The following NIN variants were observed in gnomAD, a reference collection of about 807,000 sequenced individuals.
The protein encoded by NIN is ninein.
NIN carries 137 observed loss-of-function variants against 257.6 expected under a neutral mutation model. The observed-to-expected ratio is 0.53, with a 90% CI of 0.46 to 0.61. The LOEUF is 0.61. NIN is among the 20% of genes least tolerant of loss of function. The pLI is 0.00. For synonymous variants in NIN, 918 were observed against 919.8 expected (o/e 1.00, Z 0.04); for missense variants, 2,439 against 2,501.2 (o/e 0.98, Z 0.53).
At chr14:50,726,306 T>TC (rs2040410835) in intron 29 of NIN, 1 of 442,120 alleles carries the variant, frequency 2.3e-6, no homozygotes, top group Admixed American at 3.7e-5. Flanking sequence ...GTTACCATCA[T>TC]CCCCCTGATA....
intron 29 of NIN, among the ~76,000 whole-genome samples, chr14:50,726,674 T>C (rs146162968): frequency 3.9e-4 from 60 of 152,288 alleles, no homozygotes; most frequent in Non-Finnish European, 7.5e-4. Flanking sequence ...TCAGAGCAGA[T>C]TGAAAATGAA....
chr14:50,738,301 T>C lies in NIN; in HGVS notation c.5629-15A>G. The C allele has an allele frequency of 2.5e-6, 4 of 1,606,002 alleles. No homozygotes were observed. The highest frequency in any genetic ancestry group is 1.3e-5 in the African/African-American group (1 of 74,442). On this transcript the variant is annotated splice_polypyrimidine_tract_variant and intron_variant, in intron 26 of 30. Transcript: ENST00000530997. The stretch of plus-strand genomic sequence containing the variant: ...AACTGACGGACCTAACAGGAACAAA[T>C]GTAAGAGGAAAAAATGCTAATACAA...
At chr14:50,823,900 A>C (rs1469376659) in intron 2 of NIN, among the ~76,000 whole-genome samples, 1 of 152,252 alleles carries the variant, frequency 6.6e-6, no homozygotes, top group Non-Finnish European at 1.5e-5. Flanking sequence ...CCAAGTTGTT[A>C]TGCAAAGCCA....
At chr14:50,799,706 T>A (rs1273105238) in intron 4 of NIN, among the ~76,000 whole-genome samples, 1 of 152,172 alleles carries the variant, frequency 6.6e-6, no homozygotes, top group South Asian at 2.1e-4. Context: ...AAATAAAATA[T>A]AGACATGGCT....
intron 21 of NIN, among the ~76,000 whole-genome samples, chr14:50,752,160 T>TG (rs934629472): frequency 2.0e-5 from 3 of 150,972 alleles, no homozygotes; most frequent in Non-Finnish European, 4.4e-5. Context: ...TTTGTATAGT[T>TG]TTTTTTTTTT....
chr14:50,748,219 G>A lies in NIN; in HGVS notation c.4951-114C>T, dbSNP rs184809358. On this transcript the variant is annotated intron_variant, in intron 21 of 30. Coordinates refer to ENST00000530997, the MANE Select transcript of NIN (RefSeq NM_020921.4). ...ACAGTAATATGAACTCAATGACACT[G>A]TTTTATGACCATTTTTTATCGTAAA... 2.5e-5 allele frequency: 15 copies of A among 607,314 alleles called. No individual in the cohort carries two copies. In the East Asian group the frequency reaches 4.1e-4, roughly 17 times the overall value. The allele number at this position is 607,314 out of a possible 1,614,324, so 37.6% of individuals were successfully genotyped here.
intron 14 of NIN, among the ~76,000 whole-genome samples, chr14:50,765,063 TAAAAAAAAAAAAAAA>T (rs781699626): frequency 1.3e-4 from 11 of 82,072 alleles, no homozygotes; most frequent in Non-Finnish European, 1.9e-4. Flanking sequence ...TGTCTCTACT[TAAAAAAAAAAAAAAA>T]AAAAAAAAAA....
intron 3 of NIN, among the ~76,000 whole-genome samples, chr14:50,819,915 A>T (rs1188954755): frequency 6.6e-6 from 1 of 152,228 alleles, no homozygotes; most frequent in Non-Finnish European, 1.5e-5. Flanking sequence ...CATGAAAATG[A>T]TAACACTTGG....
At chr14:50,807,808 TCAAAA>T (rs1566868760) in intron 3 of NIN, among the ~76,000 whole-genome samples, 2 of 152,184 alleles carry the variant, frequency 1.3e-5, no homozygotes, top group Admixed American at 6.5e-5. Flanking sequence ...TCTATGCAAA[TCAAAA>T]CAAAAGAGAG....
At chr14:50,777,185 G>A in intron 6 of NIN, 46 bp from the exon 7 acceptor site, 2 of 1,428,030 alleles carry the variant, frequency 1.4e-6, no homozygotes, top group Non-Finnish European at 9.5e-7. Context: ...GAATTGCAAA[G>A]AGAGAGTGCC....
rs144418878 is a variant in NIN at position 50,752,620 on chromosome 14, T to G, written c.4848A>C (p.Glu1616Asp). 47 of 1,613,938 alleles carry G rather than the reference T, an allele frequency of 2.9e-5. No individual in the cohort carries two copies. The stretch of plus-strand genomic sequence containing the variant: ...GCTCTTTTTCCTTCTGGCATAGCAT[T>G]TCTGTTAGACGTTGATTAAGTTCTT... ...KLQELNQRLT[E>D]MLCQKEKEPG... Residue 1616 changes from glutamate to aspartate, a missense_variant, in exon 21 of 31, where the codon GAA becomes GAC. Coordinates refer to ENST00000530997, the MANE Select transcript of NIN (RefSeq NM_020921.4).
intron 25 of NIN, 112 bp from the exon 26 acceptor site, chr14:50,739,599 A>G (rs1011689744): frequency 9.4e-6 from 8 of 850,122 alleles, no homozygotes; most frequent in African/African-American, 3.4e-5. Context: ...GTACCTTTCA[A>G]TTGTCCCCTC....
intron 3 of NIN, among the ~76,000 whole-genome samples, chr14:50,812,051 T>G (rs893737045): frequency 2.0e-5 from 3 of 151,334 alleles, no homozygotes; most frequent in Admixed American, 1.3e-4. Flanking sequence ...ACCCAGGAGG[T>G]GGAGATTGCA....
intron 5 of NIN, among the ~76,000 whole-genome samples, chr14:50,787,459 CACTT>C (rs1343252261): frequency 6.6e-6 from 1 of 152,228 alleles, no homozygotes; most frequent in Admixed American, 6.5e-5. Flanking sequence ...TTCTTACTCT[CACTT>C]GTTTCTTAAC....
chr14:50,798,729 T>C (rs1336931477), intron 4 of NIN, among the ~76,000 whole-genome samples: 1 of 152,202 alleles, frequency 6.6e-6, no homozygotes, highest in Non-Finnish European at 1.5e-5. Context: ...ACCACTTTCA[T>C]GGAACCGTTT....
chr14:50,796,212 T>G, intron 4 of NIN, among the ~76,000 whole-genome samples: 1 of 152,198 alleles, frequency 6.6e-6, no homozygotes, highest in East Asian at 1.9e-4. Flanking sequence ...CCAGCTTGCC[T>G]GGAGGTGTCT....
intron 3 of NIN, among the ~76,000 whole-genome samples, chr14:50,812,672 T>A (rs1048493259): frequency 6.6e-6 from 1 of 152,052 alleles, no homozygotes; most frequent in Non-Finnish European, 1.5e-5. Flanking sequence ...ACTTGGCCAA[T>A]AGGGAGGAAA....
chr14:50,821,001 C>G lies in NIN; in HGVS notation c.183+873G>C, dbSNP rs933587090. On this transcript the variant is annotated intron_variant, in intron 3 of 30. Transcript: ENST00000530997. ...AAGTTAAGCCTCACAACTGCTTCCT[C>G]AATTTATACGTGATAAAAACCAGAA... 3.9e-5 allele frequency among the ~76,000 whole-genome samples: 6 copies of G among 152,162 alleles called. No individual in the cohort carries two copies. The South Asian group carries it at 1.2e-3, about 32-fold the overall frequency.
chr14:50,753,162 C>G (rs369698877), intron 20 of NIN, among the ~76,000 whole-genome samples: 12 of 152,176 alleles, frequency 7.9e-5, no homozygotes, highest in Middle Eastern at 3.4e-3. Flanking sequence ...CACTTTGGGA[C>G]GCCGAGACAG....
Sources: gnomAD v4.1 joint callset for allele counts (sites outside exome capture counted in the v4.1 genomes callset) on GRCh38, gnomAD v4.1.1 for gene constraint, MANE v1.5 for transcripts, NCBI Gene and HGNC (gene_info 2026-07-23, HGNC 2026-07-21) for gene names.